The following KIAA1217 variants were observed in gnomAD, a reference collection of about 807,000 sequenced individuals.
The protein encoded by KIAA1217 is sickle tail protein homolog.
Under a neutral mutation model 163.9 loss-of-function variants are expected in KIAA1217, and 88 were observed. The observed-to-expected ratio is 0.54, with a 90% CI of 0.45 to 0.64. The LOEUF (loss-of-function observed/expected upper bound fraction) is 0.64, where lower values mean the gene tolerates loss of function less well. Ranked by LOEUF, KIAA1217 falls within the 30% of genes least tolerant of loss-of-function variation. KIAA1217 has a pLI of 0.00. For missense variants in KIAA1217, 2,372 were observed against 2,475.0 expected, an observed-to-expected ratio of 0.96 and a Z score of 0.88; for synonymous variants, 903 against 923.1, an observed-to-expected ratio of 0.98 and a Z score of 0.39.
intron 17 of KIAA1217, chr10:24,542,387 G>A (rs1393314410): frequency 7.9e-6 from 4 of 506,830 alleles, no homozygotes; most frequent in Non-Finnish European, 9.3e-6. Flanking sequence ...ACAATCTGAT[G>A]TTGAAAAGAG....
chr10:24,450,869 AGTAGCTGAGAGCTTCAG>A (rs2061329916), intron 5 of KIAA1217, among the ~76,000 whole-genome samples: 1 of 152,226 alleles, frequency 6.6e-6, no homozygotes, highest in Non-Finnish European at 1.5e-5. Context: ...CAGCCTCAAT[AGTAGCTGAGAGCTTCAG>A]GTCTGTAATC....
rs537593884 is a variant in KIAA1217 at position 23,866,945 on chromosome 10, C to A, written c.-320-140280C>A. 8.0e-5 allele frequency among the ~76,000 whole-genome samples: 12 copies of A among 150,444 alleles called. No homozygotes were observed. The South Asian group carries it at 2.3e-3, about 29-fold the overall frequency. On this transcript the variant is annotated intron_variant, in intron 1 of 18. Transcript: ENST00000376462. ...ACATGTGCCATGCTGGTGTGCTGCA[C>A]CCATTAACTCATCATTTAGCATTAG...
rs144455888 is a variant in KIAA1217, at chr10:24,543,630, C to T, written c.4360C>T (p.Arg1454Trp). ...CATTTTCGATGAGCCCATGGACATC[C>T]GGTCTGCCTATAAGAGACTTTCAAC... ...IIIFDEPMDI[R>W]SAYKRLSTIF... The change falls in exon 19 of 21, where the codon CGG (arginine) becomes TGG (tryptophan). Residue 1454 changes from arginine (R) to tryptophan (W), a missense_variant. Physicochemically the swap from Arg to Trp is moderately radical, Grantham distance 101. Coordinates refer to ENST00000376454, the MANE Select transcript of KIAA1217 (RefSeq NM_019590.5). The T allele has an allele frequency of 2.6e-5, 42 of 1,613,964 alleles. No homozygotes were observed. In the Middle Eastern group the frequency reaches 6.6e-4, roughly 25 times the overall value.
chr10:24,125,495 TAC>T (rs1329833602), intron 2 of KIAA1217, among the ~76,000 whole-genome samples: 1 of 152,156 alleles, frequency 6.6e-6, no homozygotes, highest in Non-Finnish European at 1.5e-5. Flanking sequence ...AATGTATTGA[TAC>T]AAAGTTGTTT....
chr10:24,485,308 C>T (rs1007800543), intron 6 of KIAA1217, among the ~76,000 whole-genome samples: 3 of 152,086 alleles, frequency 2.0e-5, no homozygotes, highest in Non-Finnish European at 4.4e-5. Context: ...AGTAAGGGTT[C>T]GTTCAGCCTT....
At chr10:23,870,369 A>G (rs925641553) in intron 1 of KIAA1217, among the ~76,000 whole-genome samples, 2 of 152,110 alleles carry the variant, frequency 1.3e-5, no homozygotes, top group Admixed American at 1.3e-4. Flanking sequence ...TTCAAATTCC[A>G]TATTTTCATA....
At chr10:24,412,660 C>T (rs1161405976) in intron 3 of KIAA1217, among the ~76,000 whole-genome samples, 1 of 152,192 alleles carries the variant, frequency 6.6e-6, no homozygotes, top group African/African-American at 2.4e-5. Context: ...TCCTGGGTCT[C>T]CTTTGTTGGT....
intron 2 of KIAA1217, among the ~76,000 whole-genome samples, chr10:24,137,699 A>T (rs886328194): frequency 3.3e-5 from 5 of 152,302 alleles, no homozygotes; most frequent in Non-Finnish European, 7.3e-5. Flanking sequence ...AACAATAAAG[A>T]CACTGCGTTT....
Position 24,473,286 on chromosome 10 carries a change from C to T in KIAA1217, c.905C>T (p.Ser302Phe). ...GDGPGAPRPG[S>F]TAHPPHAIPN... The stretch of plus-strand genomic sequence containing the variant: ...GGCCCTGGGGCCCCTCGCCCCGGAT[C>T]TACTGCTCATCCACCCCATGCGATT... Residue 302 changes from serine (S) to phenylalanine (F), a missense_variant, in exon 6 of 21, where the codon TCT (serine) becomes TTT (phenylalanine). Ser to Phe is a radical substitution (Grantham distance 155, BLOSUM62 -2). This residue lies in a region of KIAA1217 where 1,431 missense variants were observed against 1,470.3 expected (regional missense o/e 0.97). Coordinates refer to ENST00000376454, the MANE Select transcript of KIAA1217 (RefSeq NM_019590.5). 6.5e-7 allele frequency: 1 copy of T among 1,531,498 alleles called. No individual in the cohort carries two copies. The highest frequency in any genetic ancestry group is 8.8e-7 in the Non-Finnish European group (1 of 1,140,638). 94.9% of individuals were successfully genotyped at this position (1,531,498 alleles called of 1,614,324 possible). A position where few individuals can be genotyped will look rare whatever the true frequency, so the allele number is the denominator to read the frequency against.
chr10:24,288,328 A>C (rs1590632003), intron 2 of KIAA1217, among the ~76,000 whole-genome samples: 1 of 152,340 alleles, frequency 6.6e-6, no homozygotes, highest in East Asian at 1.9e-4. Context: ...GGTGAATTTA[A>C]GCTTCCAGGG....
chr10:24,377,403 A>T (rs576523469), intron 2 of KIAA1217, among the ~76,000 whole-genome samples: 2 of 152,282 alleles, frequency 1.3e-5, no homozygotes, highest in East Asian at 3.9e-4. Context: ...AGTTAGGCAT[A>T]GCTCTCCACT....
chr10:24,494,786 CT>C (rs112815545), intron 7 of KIAA1217, among the ~76,000 whole-genome samples, 182 bp downstream of exon 7: 15 of 151,892 alleles, frequency 9.9e-5, no homozygotes, highest in Admixed American at 3.3e-4. Flanking sequence ...TTTTTCTTTC[CT>C]CCTTCTGGTA....
chr10:23,729,146 T>G (rs1328291224), intron 1 of KIAA1217, among the ~76,000 whole-genome samples: 1 of 152,192 alleles, frequency 6.6e-6, no homozygotes, highest in African/African-American at 2.4e-5. Flanking sequence ...TTTTTAGTGG[T>G]GAATAATATT....
At chr10:23,798,889 A>G (rs781042408) in intron 1 of KIAA1217, among the ~76,000 whole-genome samples, 1 of 152,246 alleles carries the variant, frequency 6.6e-6, no homozygotes, top group South Asian at 2.1e-4. Flanking sequence ...TTTGGGCTGC[A>G]TGACAAAGTA....
chr10:24,383,533 C>A (rs1297097716), intron 3 of KIAA1217, among the ~76,000 whole-genome samples: 3 of 152,212 alleles, frequency 2.0e-5, no homozygotes, highest in African/African-American at 7.2e-5. Context: ...CAAATTGCTC[C>A]ATTTTACTCA....
chr10:24,024,838 G>T (rs956810071), intron 2 of KIAA1217, among the ~76,000 whole-genome samples: 2 of 151,386 alleles, frequency 1.3e-5, no homozygotes, highest in African/African-American at 2.4e-5. Context: ...AATCTTCTTT[G>T]GTGAATTGAC....
chr10:24,104,528 T>C (rs2062545551), intron 2 of KIAA1217, among the ~76,000 whole-genome samples: 1 of 152,120 alleles, frequency 6.6e-6, no homozygotes, highest in African/African-American at 2.4e-5. Context: ...GAGGGATGAA[T>C]AGGTGGAGCA....
chr10:23,775,033 T>C (rs1834950705), intron 1 of KIAA1217, among the ~76,000 whole-genome samples: 1 of 152,112 alleles, frequency 6.6e-6, no homozygotes, highest in Admixed American at 6.6e-5. Context: ...TGGTGCATGA[T>C]GCCAAGTAGC....
At chr10:23,785,820 A>C (rs1835466869) in intron 1 of KIAA1217, among the ~76,000 whole-genome samples, 1 of 152,126 alleles carries the variant, frequency 6.6e-6, no homozygotes, top group Non-Finnish European at 1.5e-5. Context: ...AGGAAGGAAA[A>C]GGGGCTGGAG....
Sources: gnomAD v4.1 joint callset for allele counts (sites outside exome capture counted in the v4.1 genomes callset) on GRCh38, gnomAD v4.1.1 for gene constraint, gnomAD v4.1.1 regional missense constraint, MANE v1.5 for transcripts, NCBI Gene and HGNC (gene_info 2026-07-23, HGNC 2026-07-21) for gene names.